POC1A: variants seen among roughly 807,000 people sequenced by gnomAD.
POC1A encodes POC1 centriolar protein homolog A.
In POC1A, 34 loss-of-function variants were observed where a neutral mutation model predicts 47.8. The ratio of observed to expected loss-of-function variants is 0.71; its 90% CI spans 0.54 to 0.95. The LOEUF (loss-of-function observed/expected upper bound fraction) is 0.95, where lower values mean the gene tolerates loss of function less well. Ranked by LOEUF, POC1A falls within the 40% of genes least tolerant of loss-of-function variation. The pLI is 0.00. For missense variants in POC1A, 466 were observed against 528.3 expected (o/e 0.88, Z 1.16); for synonymous variants, 177 against 207.6 (o/e 0.85, Z 1.27).
intron 9 of POC1A, among the ~76,000 whole-genome samples, chr3:52,107,141 C>A (rs1703213997): frequency 6.6e-6 from 1 of 152,208 alleles, no homozygotes; most frequent in Admixed American, 6.5e-5. Flanking sequence ...CAAGAACATG[C>A]CTTGGCATGT....
At chr3:52,133,314 G>A (rs968852074) in intron 7 of POC1A, among the ~76,000 whole-genome samples, 1 of 152,148 alleles carries the variant, frequency 6.6e-6, no homozygotes, top group Admixed American at 6.5e-5. Flanking sequence ...CCTTGATCTG[G>A]GACTTCCAGC....
At chr3:52,099,447 AC>A (rs1225227625) in intron 9 of POC1A, among the ~76,000 whole-genome samples, 1 of 152,212 alleles carries the variant, frequency 6.6e-6, no homozygotes, top group African/African-American at 2.4e-5. Context: ...TGGCAGAATA[AC>A]CCAAGCAGCA....
At chr3:52,140,451 G>T (rs537905554) in intron 6 of POC1A, among the ~76,000 whole-genome samples, 10 of 152,278 alleles carry the variant, frequency 6.6e-5, no homozygotes, top group Admixed American at 3.9e-4. Context: ...TGGCAGGAGG[G>T]TGCAGAAGGG....
chr3:52,110,320 G>T (rs574991037), intron 9 of POC1A, among the ~76,000 whole-genome samples: 55 of 152,282 alleles, frequency 3.6e-4, no homozygotes, highest in Non-Finnish European at 7.2e-4. Flanking sequence ...CCAGCTGCCA[G>T]CCTCCCAAGG....
At chr3:52,112,511 G>T (rs1399130572) in intron 9 of POC1A, among the ~76,000 whole-genome samples, 1 of 152,108 alleles carries the variant, frequency 6.6e-6, no homozygotes, top group African/African-American at 2.4e-5. Context: ...GTGTGGTGGT[G>T]CATGCCTGTA....
Position 52,110,950 on chromosome 3 carries a change from AGT to A in POC1A, c.981+11427_981+11428del, listed in dbSNP as rs559643626. Among the ~76,000 whole-genome samples the A allele has an allele frequency of 2.3e-3, 356 of 152,278 alleles. 1 individual carries two copies. Among genetic ancestry groups the A allele is most frequent in the African/African-American group, 8.2e-3 (340 of 41,574 alleles). ...AAAGAGATAACGAAGCTCTCAAAGGAGTGTGTGTGCCTGGGTTTATATGCCAA... is the reference window on the plus strand; with the variant it reads ...AAAGAGATAACGAAGCTCTCAAAGGAGTGTGTGCCTGGGTTTATATGCCAA... On this transcript the variant is annotated intron_variant, in intron 9 of 10. Transcript: ENST00000296484.
intron 9 of POC1A, among the ~76,000 whole-genome samples, chr3:52,102,008 C>A (rs1703021557): frequency 6.6e-6 from 1 of 152,178 alleles, no homozygotes; most frequent in Non-Finnish European, 1.5e-5. Flanking sequence ...ATTTGATCCA[C>A]ATATATATGT....
intron 7 of POC1A, among the ~76,000 whole-genome samples, chr3:52,130,024 G>A (rs1345615289): frequency 1.3e-5 from 2 of 152,110 alleles, no homozygotes; most frequent in African/African-American, 4.8e-5. Flanking sequence ...CACTGACCTC[G>A]CTGCTCTCCT....
intron 10 of POC1A, among the ~76,000 whole-genome samples, chr3:52,094,754 T>A (rs138822566): frequency 6.6e-6 from 1 of 152,140 alleles, no homozygotes. Flanking sequence ...CTGGCTGATA[T>A]TGTTGGCATC....
rs114950421 is a variant in POC1A, at chr3:52,154,382, G to T, written c.-10C>A. On this transcript the variant is annotated 5_prime_UTR_variant, in exon 1 of 11. Coordinates refer to ENST00000296484, the MANE Select transcript of POC1A (RefSeq NM_015426.5). ...CGCAGGGCGCAGCCATGGCGGGGCT[G>T]GCGGCGCCGAAGGCAGCTGCGGTGG... is the stretch of plus-strand genomic sequence containing the variant. 1.2e-3 allele frequency: 1,834 copies of T among 1,479,656 alleles called. 24 individuals are homozygous for T. The African/African-American group carries it at 0.024, about 19-fold the overall frequency. The allele number at this position is 1,479,656 out of a possible 1,614,324, so 91.7% of individuals were successfully genotyped here.
chr3:52,126,022 A>G (rs1703985214), intron 7 of POC1A, among the ~76,000 whole-genome samples: 1 of 152,222 alleles, frequency 6.6e-6, no homozygotes, highest in African/African-American at 2.4e-5. Context: ...CCATGACCAC[A>G]GCCACCACCA....
chr3:52,143,320 G>A (rs1009961131), intron 6 of POC1A, among the ~76,000 whole-genome samples: 2 of 151,874 alleles, frequency 1.3e-5, no homozygotes, highest in African/African-American at 4.8e-5. Flanking sequence ...ATGGAGATCC[G>A]CCCCTGCCCT....
At chr3:52,077,809 G>A (rs907494595) in intron 10 of POC1A, among the ~76,000 whole-genome samples, 2 of 149,708 alleles carry the variant, frequency 1.3e-5, no homozygotes, top group Non-Finnish European at 1.5e-5. Flanking sequence ...TTTTTTTCTT[G>A]AAACTTTTCA....
intron 10 of POC1A, among the ~76,000 whole-genome samples, chr3:52,076,299 C>T (rs1240593627): frequency 6.6e-6 from 1 of 152,192 alleles, no homozygotes; most frequent in Non-Finnish European, 1.5e-5. Context: ...GGGTCAGGAA[C>T]CCCCCACCCT....
intron 9 of POC1A, among the ~76,000 whole-genome samples, chr3:52,112,769 C>T (rs1703429436): frequency 6.6e-6 from 1 of 152,156 alleles, no homozygotes; most frequent in Non-Finnish European, 1.5e-5. Context: ...ATTGCCTCTC[C>T]CAAGCTGTAC....
At chr3:52,107,180 C>A (rs533391500) in intron 9 of POC1A, among the ~76,000 whole-genome samples, 20 of 152,348 alleles carry the variant, frequency 1.3e-4, no homozygotes, top group African/African-American at 4.8e-4. Context: ...GGGTTCAGAG[C>A]GGGCTGGAAA....
chr3:52,146,131 A>T (rs1698356684), intron 5 of POC1A, among the ~76,000 whole-genome samples, 170 bp from the exon 6 acceptor site: 2 of 152,254 alleles, frequency 1.3e-5, no homozygotes, highest in African/African-American at 2.4e-5. Context: ...GAGAGCAAGA[A>T]GAAGTAAAAG....
intron 5 of POC1A, 62 bp downstream of exon 5, chr3:52,146,926 T>G: frequency 3.0e-6 from 4 of 1,353,652 alleles, no homozygotes; most frequent in Admixed American, 1.7e-5. Flanking sequence ...GGCCTCCTCA[T>G]GCCCAGGTCT....
intron 10 of POC1A, among the ~76,000 whole-genome samples, chr3:52,076,190 T>C (rs977798631): frequency 2.0e-5 from 3 of 152,204 alleles, no homozygotes; most frequent in Non-Finnish European, 4.4e-5. Context: ...TGGCTCTGGA[T>C]GGCTGATCTA....
Sources: allele counts gnomAD v4.1 joint callset (sites outside exome capture counted in the v4.1 genomes callset), GRCh38; gene constraint gnomAD v4.1.1; transcripts MANE v1.5; gene names NCBI Gene and HGNC (gene_info 2026-07-23, HGNC 2026-07-21).